The following KAZN variants were observed in gnomAD, a reference collection of about 807,000 sequenced individuals.
The protein encoded by KAZN is kazrin.
A neutral mutation model predicts 87.4 loss-of-function variants in KAZN; 40 were observed. That is an observed-to-expected ratio of 0.46 (90% CI 0.36 to 0.60). The LOEUF (loss-of-function observed/expected upper bound fraction) is 0.60. Among genes scored for constraint, KAZN ranks in the 20% least tolerant of loss-of-function variants. KAZN has a pLI of 0.00. For synonymous variants in KAZN, 466 were observed against 458.3 expected (o/e 1.02, Z -0.22); for missense variants, 898 against 1,073.9 (o/e 0.84, Z 2.29).
chr1:14,220,933 G>A (rs754710783), intron 2 of KAZN, among the ~76,000 whole-genome samples: 3 of 152,174 alleles, frequency 2.0e-5, no homozygotes, highest in Non-Finnish European at 4.4e-5. Flanking sequence ...AGAGGTAAAG[G>A]TTTAGGTTGA....
chr1:14,188,710 G>A (rs1646364135), intron 2 of KAZN, among the ~76,000 whole-genome samples: 2 of 152,124 alleles, frequency 1.3e-5, no homozygotes, highest in Admixed American at 1.3e-4. Flanking sequence ...GATTATCCAT[G>A]GGCAAAGCAT....
At position 15,041,195 on chromosome 1, in the gene KAZN, C is replaced by T. The variant is rs183378586; in HGVS notation, c.556-2794C>T. Among the ~76,000 whole-genome samples, 154 of 151,526 alleles carry T rather than the reference C, an allele frequency of 1.0e-3. 1 individual carries two copies. Among genetic ancestry groups the T allele is most frequent in the African/African-American group, 2.8e-3 (114 of 41,312 alleles). ...CAGGCTGGTCTCGAGCTCCTGACCTCAAGTGATCTGCCCTCCTCCACCTCC... is the reference window on the plus strand; with the variant it reads ...CAGGCTGGTCTCGAGCTCCTGACCTTAAGTGATCTGCCCTCCTCCACCTCC... On this transcript the variant is annotated intron_variant, in intron 3 of 14. Transcript: ENST00000376030.
chr1:14,442,863 C>A (rs1253027760), intron 2 of KAZN, among the ~76,000 whole-genome samples: 1 of 152,232 alleles, frequency 6.6e-6, no homozygotes, highest in African/African-American at 2.4e-5. Context: ...TTTAGCCCTA[C>A]AGCACCAGCC....
chr1:14,391,192 C>G (rs1557684956), intron 2 of KAZN, among the ~76,000 whole-genome samples: 2 of 152,174 alleles, frequency 1.3e-5, no homozygotes, highest in Non-Finnish European at 2.9e-5. Flanking sequence ...TGGTGAGGAG[C>G]AGCTGTGCCA....
chr1:14,494,673 C>T lies in KAZN; in HGVS notation c.250-104310C>T, dbSNP rs368799971. ...ATCCCCACTGCCTTACTTCTGACCT[C>T]CTGAACCAATCTGTAATGTCCAAGC... On this transcript the variant is annotated intron_variant, in intron 2 of 16. Transcript: ENST00000636203. Among the ~76,000 whole-genome samples the T allele has an allele frequency of 1.9e-4, 29 of 152,284 alleles. No homozygotes were observed. The South Asian group carries it at 4.6e-3, about 24-fold the overall frequency.
chr1:13,923,547 TG>T (rs1444048292), intron 1 of KAZN, among the ~76,000 whole-genome samples: 2 of 135,590 alleles, frequency 1.5e-5, no homozygotes, highest in Admixed American at 1.7e-4. Context: ...CACTCCAGCC[TG>T]GGTGACAGAG....
intron 2 of KAZN, among the ~76,000 whole-genome samples, chr1:14,275,242 C>T (rs939768574): frequency 1.3e-5 from 2 of 152,160 alleles, no homozygotes; most frequent in Non-Finnish European, 2.9e-5. Flanking sequence ...TGCAGTCCTT[C>T]ATAGCAACAG....
At chr1:14,095,134 C>G (rs573956286) in intron 1 of KAZN, among the ~76,000 whole-genome samples, 1 of 152,232 alleles carries the variant, frequency 6.6e-6, no homozygotes, top group African/African-American at 2.4e-5. Flanking sequence ...TGGGTGTGTA[C>G]CATCACCATT....
At chr1:14,416,151 G>A (rs1557703844) in intron 2 of KAZN, among the ~76,000 whole-genome samples, 1 of 152,172 alleles carries the variant, frequency 6.6e-6, no homozygotes, top group Non-Finnish European at 1.5e-5. Context: ...GGCTGTAGTA[G>A]CATTTGCAGC....
At chr1:14,145,162 G>T (rs572693773) in intron 1 of KAZN, among the ~76,000 whole-genome samples, 2 of 152,176 alleles carry the variant, frequency 1.3e-5, no homozygotes, top group South Asian at 4.1e-4. Context: ...AATAGTCTTG[G>T]CTGGGTGCTG....
intron 1 of KAZN, among the ~76,000 whole-genome samples, chr1:14,717,292 AATGTGTTG>A (rs2100257026): frequency 6.6e-6 from 1 of 151,898 alleles, no homozygotes; most frequent in South Asian, 2.1e-4. Context: ...AGGTGCTGGG[AATGTGTTG>A]ATGAACGAGA....
At chr1:14,609,202 C>T (rs565835218) in intron 1 of KAZN, among the ~76,000 whole-genome samples, 1 of 152,294 alleles carries the variant, frequency 6.6e-6, no homozygotes, top group African/African-American at 2.4e-5. Flanking sequence ...CAGGACTATT[C>T]AGTGCATCTT....
chr1:14,401,567 G>C (rs1217974179), intron 2 of KAZN, among the ~76,000 whole-genome samples: 1 of 152,104 alleles, frequency 6.6e-6, no homozygotes, highest in African/African-American at 2.4e-5. Context: ...TGTAATCTCA[G>C]CACTTTGGGA....
chr1:14,489,761 AATAATAATAATG>A (rs1669551492), intron 2 of KAZN, among the ~76,000 whole-genome samples: 1 of 149,152 alleles, frequency 6.7e-6, no homozygotes. Flanking sequence ...TAATAATAAT[AATAATAATAATG>A]AATACACTGT....
At chr1:14,679,447 G>A (rs1242187563) in intron 1 of KAZN, among the ~76,000 whole-genome samples, 1 of 152,108 alleles carries the variant, frequency 6.6e-6, no homozygotes, top group African/African-American at 2.4e-5. Flanking sequence ...TATTGGTTTG[G>A]TATGTGACAG....
chr1:13,908,598 G>A (rs1317071756), intron 1 of KAZN, among the ~76,000 whole-genome samples: 1 of 152,228 alleles, frequency 6.6e-6, no homozygotes, highest in Non-Finnish European at 1.5e-5. Flanking sequence ...GAAGCCAGAT[G>A]GCAGCCAGCA....
chr1:14,457,323 T>C (rs202186333), intron 2 of KAZN, among the ~76,000 whole-genome samples: 2 of 152,214 alleles, frequency 1.3e-5, no homozygotes, highest in African/African-American at 4.8e-5. Context: ...TTCTCTTCTC[T>C]AAAATACCTG....
chr1:14,695,697 G>C (rs970775410), intron 1 of KAZN, among the ~76,000 whole-genome samples: 1 of 151,454 alleles, frequency 6.6e-6, no homozygotes, highest in African/African-American at 2.4e-5. Context: ...GTAGAGATGG[G>C]GTTTCATCAT....
intron 2 of KAZN, among the ~76,000 whole-genome samples, chr1:14,456,392 G>A (rs1252249240): frequency 6.6e-6 from 1 of 152,132 alleles, no homozygotes; most frequent in African/African-American, 2.4e-5. Flanking sequence ...AGTACTCTTA[G>A]TAGATATTCG....
Sources: gnomAD v4.1 joint callset for allele counts (sites outside exome capture counted in the v4.1 genomes callset) on GRCh38, gnomAD v4.1.1 for gene constraint, MANE v1.5 for transcripts, NCBI Gene and HGNC (gene_info 2026-07-23, HGNC 2026-07-21) for gene names.